HAAO: variants seen among roughly 807,000 people sequenced by gnomAD.
HAAO encodes 3-hydroxyanthranilate oxygenase.
In HAAO, 49 loss-of-function variants were observed where a neutral mutation model predicts 46.2. The ratio of observed to expected loss-of-function variants is 1.06; its 90% CI spans 0.84 to 1.34. The LOEUF is 1.34. HAAO is among the 40% of genes most tolerant of loss of function. The pLI, the probability that HAAO is intolerant of heterozygous loss-of-function variation, is 0.00. For synonymous variants in HAAO, 157 were observed against 145.2 expected (o/e 1.08, Z -0.58); for missense variants, 408 against 364.5 (o/e 1.12, Z -0.97).
At chr2:42,791,332 C>T (rs1186599760) in intron 1 of HAAO, among the ~76,000 whole-genome samples, 4 of 152,038 alleles carry the variant, frequency 2.6e-5, no homozygotes, top group African/African-American at 4.8e-5. Context: ...CAGATGGACG[C>T]GAGACCTCAG....
At chr2:42,783,947 A>G (rs1331085049) in intron 2 of HAAO, 80 bp from the exon 3 acceptor site, 16 of 1,544,994 alleles carry the variant, frequency 1.0e-5, no homozygotes, top group African/African-American at 1.4e-5. Context: ...CTGAATTCTG[A>G]CCGGGAAACC....
At chr2:42,784,039 T>C (rs1672213722) in intron 2 of HAAO, 172 bp from the exon 3 acceptor site, 1 of 761,132 alleles carries the variant, frequency 1.3e-6, no homozygotes, top group Non-Finnish European at 1.6e-6. Flanking sequence ...GTGCATGCCA[T>C]GGAGTGCCGG....
chr2:42,783,524 G>A, intron 3 of HAAO, 104 bp from the exon 4 acceptor site: 1 of 756,838 alleles, frequency 1.3e-6, no homozygotes, highest in Non-Finnish European at 2.3e-6. Context: ...GGGCAGCAAA[G>A]GGGTACTGCT....
chr2:42,791,400 G>T (rs182928505), intron 1 of HAAO, among the ~76,000 whole-genome samples: 106 of 152,284 alleles, frequency 7.0e-4, no homozygotes, highest in Non-Finnish European at 7.8e-4. Flanking sequence ...AGTGTTGGAA[G>T]GAGGCAAAGA....
rs774509819 is a variant in HAAO, at chr2:42,769,796, G to A, written c.547C>T (p.Leu183=). 3.1e-6 allele frequency: 5 copies of A among 1,614,008 alleles called. 1 individual carries two copies. Among genetic ancestry groups the A allele is most frequent in the Non-Finnish European group, 2.5e-6 (3 of 1,179,972 alleles). ...STRSIMEPMS[L]DAWLDSHHRE... is the part of the protein sequence containing the mutation. ...TGGTGGCTGTCCAGCCAGGCATCCA[G>A]GGACATGGGCTCCATGATGGATCGT... is the stretch of plus-strand genomic sequence containing the variant. The change falls in exon 7 of 10, where the codon CTG becomes TTG. Residue 183 remains leucine, a synonymous_variant. Coordinates refer to ENST00000294973, the MANE Select transcript of HAAO (RefSeq NM_012205.3).
intron 4 of HAAO, among the ~76,000 whole-genome samples, chr2:42,772,139 A>G (rs1671174074): frequency 6.6e-6 from 1 of 152,260 alleles, no homozygotes; most frequent in Admixed American, 6.5e-5. Flanking sequence ...ACTGTTACAC[A>G]GTAAATGATT....
chr2:42,788,676 G>T, intron 1 of HAAO, 69 bp from the exon 2 acceptor site: 3 of 1,024,478 alleles, frequency 2.9e-6, no homozygotes, highest in Non-Finnish European at 4.6e-6. Flanking sequence ...CGGGTCCCGT[G>T]GGGGCCAGGA....
In HAAO at chr2:42,785,132, A is replaced by G. The variant is rs116345893; in HGVS notation, c.160-1265T>C. Among the ~76,000 whole-genome samples, 404 of 152,336 alleles carry G rather than the reference A, an allele frequency of 2.7e-3. 1 individual carries two copies. Among genetic ancestry groups the G allele is most frequent in the African/African-American group, 9.2e-3 (382 of 41,576 alleles). ...TCTGTACCTCAGTTTCCTCATCTAC[A>G]TAATGACAGTTATCTACTCAAAATG... On this transcript the variant is annotated intron_variant, in intron 2 of 9. Coordinates refer to ENST00000294973, the MANE Select transcript of HAAO (RefSeq NM_012205.3).
chr2:42,781,854 A>G (rs1672023409), intron 4 of HAAO, among the ~76,000 whole-genome samples: 1 of 151,466 alleles, frequency 6.6e-6, no homozygotes, highest in African/African-American at 2.4e-5. Flanking sequence ...AGCCTGGGCA[A>G]CAAGAGTGAA....
chr2:42,771,213 C>T (rs2104640567), intron 4 of HAAO, among the ~76,000 whole-genome samples: 1 of 129,294 alleles, frequency 7.7e-6, no homozygotes, highest in East Asian at 2.0e-4. Flanking sequence ...CCTGTCTCTA[C>T]TAAAAATAAT....
intron 2 of HAAO, among the ~76,000 whole-genome samples, chr2:42,786,755 A>T (rs1283006239): frequency 6.6e-6 from 1 of 152,114 alleles, no homozygotes; most frequent in Non-Finnish European, 1.5e-5. Flanking sequence ...GGCGCTGGGG[A>T]GTGGGGAGCC....
At chr2:42,768,708 G>A (rs3755541) in intron 7 of HAAO, among the ~76,000 whole-genome samples, 111,105 of 151,596 alleles carry the variant, frequency 0.73, 40,915 homozygotes, top group Middle Eastern at 0.87. Flanking sequence ...GTTCCCACAC[G>A]TGGTACAGAA....
chr2:42,783,166 C>T (rs920078314), intron 4 of HAAO, 148 bp downstream of exon 4: 11 of 608,062 alleles, frequency 1.8e-5, no homozygotes, highest in Non-Finnish European at 3.0e-5. Context: ...ACAGGATCTC[C>T]ACTGCCTCTG....
chr2:42,768,307 A>G (rs764655897), intron 7 of HAAO, among the ~76,000 whole-genome samples: 1 of 152,062 alleles, frequency 6.6e-6, no homozygotes, highest in Non-Finnish European at 1.5e-5. Flanking sequence ...CCTCAGGAGG[A>G]GGAGGGGACA....
chr2:42,788,075 GC>G (rs1279048826), intron 2 of HAAO, among the ~76,000 whole-genome samples: 2 of 152,058 alleles, frequency 1.3e-5, no homozygotes, highest in East Asian at 3.9e-4. Flanking sequence ...TCCTCCCTCA[GC>G]CCCTCGAACT....
chr2:42,769,904 C>T, intron 6 of HAAO, 46 bp from the exon 7 acceptor site: 1 of 1,553,146 alleles, frequency 6.4e-7, no homozygotes, highest in African/African-American at 1.4e-5. Flanking sequence ...GGACCCAGCC[C>T]ACCCAGCCCC....
rs754260181 is a variant in HAAO, at chr2:42,769,831, G to A, written c.512C>T (p.Pro171Leu). 3 of 1,613,310 alleles carry A rather than the reference G, an allele frequency of 1.9e-6. No individual in the cohort carries two copies. The highest frequency in any genetic ancestry group is 2.2e-5 in the East Asian group (1 of 44,872). ...PDQLLKEPPF[P>L]LSTRSIMEPM... ...CTCCATGATGGATCGTGTGCTCAGA[G>A]GGAATGGTGGCTCCTTGAGCAGCTG... The change falls in exon 7 of 10, where the codon CCT (proline) becomes CTT (leucine). Residue 171 changes from proline (P) to leucine (L), a missense_variant. Coordinates refer to ENST00000294973, the MANE Select transcript of HAAO (RefSeq NM_012205.3).
intron 4 of HAAO, among the ~76,000 whole-genome samples, chr2:42,775,588 C>G (rs972377569): frequency 1.2e-4 from 18 of 151,718 alleles, no homozygotes; most frequent in Non-Finnish European, 2.5e-4. Context: ...TCTCCTAGGA[C>G]CTTGTCTTTT....
intron 4 of HAAO, among the ~76,000 whole-genome samples, chr2:42,781,243 A>G (rs62143187): frequency 0.2 from 30,659 of 152,236 alleles, 3,337 homozygotes; most frequent in Non-Finnish European, 0.25. Context: ...TCATTTTGCA[A>G]CAGGACACAA....
Sources: allele counts gnomAD v4.1 joint callset (sites outside exome capture counted in the v4.1 genomes callset), GRCh38; gene constraint gnomAD v4.1.1; transcripts MANE v1.5; gene names NCBI Gene and HGNC (gene_info 2026-07-23, HGNC 2026-07-21).